Variants in SPEG observed in about 807,000 individuals in gnomAD.
The protein encoded by SPEG is striated muscle enriched protein kinase.
SPEG carries 114 observed loss-of-function variants against 300.4 expected under a neutral mutation model. That is an observed-to-expected ratio of 0.38 (90% CI 0.33 to 0.44). The LOEUF is 0.44. Among genes scored for constraint, SPEG ranks in the 20% least tolerant of loss-of-function variants. The pLI, the probability that SPEG is intolerant of heterozygous loss-of-function variation, is 1.00. For missense variants in SPEG, 4,201 were observed against 4,586.2 expected, an observed-to-expected ratio of 0.92 and a Z score of 2.43; for synonymous variants, 1,964 against 2,018.9, an observed-to-expected ratio of 0.97 and a Z score of 0.73.
intron 3 of SPEG, 138 bp from the exon 4 acceptor site, chr2:219,447,836 G>A (rs1345737422): frequency 7.9e-6 from 6 of 763,066 alleles, no homozygotes; most frequent in Middle Eastern, 2.5e-4. Context: ...TGGGGGTGGG[G>A]GTGGGGGGCA....
rs1270475305 is a variant in SPEG, at chr2:219,459,972, C to A, written c.2441-1910C>A. Reference sequence around the variant, plus strand: ...TAGGAAGAGGGAGAAGGACATGTGACCCCTGCTCAACAGCCCCCTTCTCTC... The same window carrying A: ...TAGGAAGAGGGAGAAGGACATGTGAACCCTGCTCAACAGCCCCCTTCTCTC... On this transcript the variant is annotated intron_variant, in intron 6 of 40. Coordinates refer to ENST00000312358, the MANE Select transcript of SPEG (RefSeq NM_005876.5). This position sits in a 1 kb window ranked among gnomAD's most constrained non-coding sequence, Gnocchi z 4.9. Among the ~76,000 whole-genome samples, 1 of 152,216 alleles carries A rather than the reference C, an allele frequency of 6.6e-6. No homozygotes were observed. The highest frequency in any genetic ancestry group is 1.5e-5 in the Non-Finnish European group (1 of 68,036).
intron 8 of SPEG, among the ~76,000 whole-genome samples, chr2:219,463,258 C>T (rs533334672): frequency 1.3e-5 from 2 of 151,938 alleles, no homozygotes; most frequent in East Asian, 1.9e-4. Flanking sequence ...CCAGCAGCCC[C>T]GAGTTAAATG....
In SPEG at chr2:219,451,506, A is replaced by T; in HGVS notation, c.2258-119A>T. Reference sequence around the variant, plus strand: ...CCAAAATGAGGGCGGACTCTTCCAGATTCCCTGGGGTGCTGAGAGGAGAGG... The same window carrying T: ...CCAAAATGAGGGCGGACTCTTCCAGTTTCCCTGGGGTGCTGAGAGGAGAGG... On this transcript the variant is annotated intron_variant, in intron 5 of 40. Coordinates refer to ENST00000312358, the MANE Select transcript of SPEG (RefSeq NM_005876.5). This position sits in a 1 kb window ranked among gnomAD's most constrained non-coding sequence, Gnocchi z 6.4. The T allele has an allele frequency of 8.3e-7, 1 of 1,197,714 alleles. No individual in the cohort carries two copies. Among genetic ancestry groups the T allele is most frequent in the East Asian group, 2.7e-5 (1 of 36,778 alleles). 74.2% of individuals were successfully genotyped at this position (1,197,714 alleles called of 1,614,324 possible). A position where few individuals can be genotyped will look rare whatever the true frequency, so the allele number is the denominator to read the frequency against.
chr2:219,476,235 G>C (rs372187027), intron 18 of SPEG, among the ~76,000 whole-genome samples: 3 of 69,452 alleles, frequency 4.3e-5, no homozygotes, highest in African/African-American at 4.5e-5. Context: ...AGTATTTGGG[G>C]GTTGTTTGTT....
At position 219,439,208 on chromosome 2, in the gene SPEG, G is replaced by A. The variant is rs779967498; in HGVS notation, c.388+3843G>A. 7.2e-5 allele frequency among the ~76,000 whole-genome samples: 11 copies of A among 152,156 alleles called. No individual in the cohort carries two copies. The highest frequency in any genetic ancestry group is 1.3e-4 in the Non-Finnish European group (9 of 68,024). ...GCTGGATGAGTGGAAGCCGTTGCAG[G>A]AAGATTTACTGTCCCCGTTCCCATC... On this transcript the variant is annotated intron_variant, in intron 1 of 40. Coordinates refer to ENST00000312358, the MANE Select transcript of SPEG (RefSeq NM_005876.5). This position sits in a 1 kb window ranked among gnomAD's most constrained non-coding sequence, Gnocchi z 4.5.
chr2:219,442,027 G>GCCGGCCCGGCCC, intron 1 of SPEG: 7 of 1,013,276 alleles, frequency 6.9e-6, no homozygotes, highest in Non-Finnish European at 6.3e-6. Context: ...TCGCCCGGCC[G>GCCGGCCCGGCCC]CCGGCCCGGC....
At chr2:219,472,124 T>C in intron 14 of SPEG, 103 bp from the exon 15 acceptor site, 2 of 1,519,594 alleles carry the variant, frequency 1.3e-6, no homozygotes, top group Non-Finnish European at 1.8e-6. Flanking sequence ...CCCCTGCCCC[T>C]GCGGCTGAGC....
At position 219,451,735 on chromosome 2, in the gene SPEG, G is replaced by A. The variant is rs776894067; in HGVS notation, c.2368G>A (p.Gly790Arg). The A allele has an allele frequency of 1.9e-6, 3 of 1,561,596 alleles. No homozygotes were observed. The highest frequency in any genetic ancestry group is 2.4e-5 in the South Asian group (2 of 84,712). The change falls in exon 6 of 41, where the codon GGG becomes AGG. Residue 790 changes from glycine to arginine, a missense_variant. Gly to Arg is a moderately radical substitution (Grantham distance 125). Around this residue, in one of 4 missense-constraint regions of SPEG, gnomAD observed 1,258 missense variants for 1,293.9 expected, o/e 0.97. Transcript: ENST00000312358. The surrounding 1 kb of genome is among the most constrained non-coding windows in gnomAD (Gnocchi z 6.4). ...LLREARAADA[G>R]SYMATATNEL... is the part of the protein sequence containing the mutation. ...CAGGGAGGCCAGGGCAGCAGATGCC[G>A]GGAGCTATATGGCCACCGCCACCAA... is the stretch of plus-strand genomic sequence containing the variant.
chr2:219,484,981 T>G lies in SPEG; in HGVS notation c.7518T>G (p.Leu2506=). ...GCGAGAGTCTGCGGCGCCTTGGCCTTCCGCACAACCAGTTGGCCGCCCAGG... is the reference window on the plus strand; with the variant it reads ...GCGAGAGTCTGCGGCGCCTTGGCCTGCCGCACAACCAGTTGGCCGCCCAGG... ...SEGESLRRLG[L]PHNQLAAQAG... The change falls in exon 30 of 41, where the codon CTT becomes CTG. Residue 2506 remains leucine (L), a synonymous_variant. Transcript: ENST00000312358. 6.5e-7 allele frequency: 1 copy of G among 1,530,802 alleles called. No individual in the cohort carries two copies. The highest frequency in any genetic ancestry group is 8.7e-7 in the Non-Finnish European group (1 of 1,144,914). The allele number at this position is 1,530,802 out of a possible 1,614,324, so 94.8% of individuals were successfully genotyped here. A position where few individuals can be genotyped will look rare whatever the true frequency, so the allele number is the denominator to read the frequency against.
Position 219,479,635 on chromosome 2 carries a change from G to A in SPEG, c.5086-148G>A. On this transcript the variant is annotated intron_variant, in intron 23 of 40. Coordinates refer to ENST00000312358, the MANE Select transcript of SPEG (RefSeq NM_005876.5). This position sits in a 1 kb window ranked among gnomAD's most constrained non-coding sequence, Gnocchi z 5.5. ...CCCTCCGGTGCATATGGTAGCCTTGGATCTTTGCAACCCCAAACCTGTTTC... is the reference window on the plus strand; with the variant it reads ...CCCTCCGGTGCATATGGTAGCCTTGAATCTTTGCAACCCCAAACCTGTTTC... 1.4e-6 allele frequency: 1 copy of A among 703,898 alleles called. No individual in the cohort carries two copies. The highest frequency in any genetic ancestry group is 2.5e-6 in the Non-Finnish European group (1 of 398,000). 43.6% of individuals were successfully genotyped at this position (703,898 alleles called of 1,614,324 possible).
chr2:219,436,237 G>T (rs1248018248), intron 1 of SPEG, among the ~76,000 whole-genome samples: 6 of 152,232 alleles, frequency 3.9e-5, no homozygotes, highest in Middle Eastern at 3.2e-3. Context: ...GAAGGGGAGG[G>T]CAAGAGGCTG....
At chr2:219,457,292 C>A (rs1159282566) in intron 6 of SPEG, among the ~76,000 whole-genome samples, 2 of 152,184 alleles carry the variant, frequency 1.3e-5, no homozygotes, top group East Asian at 1.9e-4. Flanking sequence ...GGAGGAAAAA[C>A]CGTTTATGGA....
intron 6 of SPEG, among the ~76,000 whole-genome samples, chr2:219,457,297 T>C (rs1245599971): frequency 6.6e-6 from 1 of 152,144 alleles, no homozygotes; most frequent in Non-Finnish European, 1.5e-5. Flanking sequence ...AAAAACCGTT[T>C]ATGGACTGGG....
In SPEG at chr2:219,444,454, G is replaced by GC; in HGVS notation, c.389-197dup. On this transcript the variant is annotated intron_variant, in intron 1 of 40. Transcript: ENST00000312358. This position sits in a 1 kb window ranked among gnomAD's most constrained non-coding sequence, Gnocchi z 7.8. ...GAGTAACCAGGGGCCCAGAGATGGA[G>GC]CCAGGGCACTGGCATGGGAGGGGTT... 6.6e-6 allele frequency among the ~76,000 whole-genome samples: 1 copy of GC among 152,270 alleles called. No individual in the cohort carries two copies. Among genetic ancestry groups the GC allele is most frequent in the African/African-American group, 2.4e-5 (1 of 41,548 alleles).
intron 3 of SPEG, among the ~76,000 whole-genome samples, 175 bp from the exon 4 acceptor site, chr2:219,447,799 G>T (rs1575054725): frequency 6.6e-6 from 1 of 151,590 alleles, no homozygotes; most frequent in East Asian, 2.0e-4. Flanking sequence ...CCTCTCCCCA[G>T]CACCTGCTCT....
At position 219,466,310 on chromosome 2, in the gene SPEG, G is replaced by C. The variant is rs1575114553; in HGVS notation, c.2882-864G>C. The C allele has an allele frequency of 1.1e-5, 15 of 1,415,558 alleles. No individual in the cohort carries two copies. The East Asian group carries it at 2.1e-4, about 19-fold the overall frequency. The allele number at this position is 1,415,558 out of a possible 1,614,324, so 87.7% of individuals were successfully genotyped here. A position where few individuals can be genotyped will look rare whatever the true frequency, so the allele number is the denominator to read the frequency against. The stretch of plus-strand genomic sequence containing the variant: ...AGGCCAGGAGGCCCACAGATGGACT[G>C]AGTGCTGGGAAGGGGCGGCTGCGAG... On this transcript the variant is annotated intron_variant, in intron 9 of 40. Transcript: ENST00000312358.
At position 219,464,584 on chromosome 2, in the gene SPEG, T is replaced by C. The variant is rs1201905433; in HGVS notation, c.2857T>C (p.Cys953Arg). ...GGTCAATGAGTATGGTGCTCGGCAGTGCGAGGCCCGCTTGGAGGTCCGAGG... is the reference window on the plus strand; with the variant it reads ...GGTCAATGAGTATGGTGCTCGGCAGCGCGAGGCCCGCTTGGAGGTCCGAGG... ...KAVNEYGARQ[C>R]EARLEVRAHP... Residue 953 changes from cysteine (C) to arginine (R), a missense_variant, in exon 9 of 41, where the codon TGC becomes CGC. By Grantham distance (180) the Cys-to-Arg change is radical. Transcript: ENST00000312358. This position sits in a 1 kb window ranked among gnomAD's most constrained non-coding sequence, Gnocchi z 4.5. 6.2e-7 allele frequency: 1 copy of C among 1,614,148 alleles called. No homozygotes were observed. Among genetic ancestry groups the C allele is most frequent in the African/African-American group, 1.3e-5 (1 of 75,066 alleles).
In SPEG at chr2:219,480,480, C is replaced by T. The variant is rs375806289; in HGVS notation, c.5343-191C>T. ...CTTCCTGGGCCAGCCCTGCCATGAC[C>T]CTGGACTTCTCCAGGCATATCTGGA... On this transcript the variant is annotated intron_variant, in intron 25 of 40. Coordinates refer to ENST00000312358, the MANE Select transcript of SPEG (RefSeq NM_005876.5). The surrounding 1 kb of genome is among the most constrained non-coding windows in gnomAD (Gnocchi z 5.3). 1.3e-3 allele frequency among the ~76,000 whole-genome samples: 193 copies of T among 152,248 alleles called. 2 individuals carry two copies. The highest frequency in any genetic ancestry group is 1.6e-3 in the Non-Finnish European group (112 of 67,974).
chr2:219,492,488 T>G, intron 40 of SPEG, 106 bp from the exon 41 acceptor site: 2 of 1,260,062 alleles, frequency 1.6e-6, no homozygotes, highest in Non-Finnish European at 2.2e-6. Flanking sequence ...AGATCACACA[T>G]GTAGGGGTGG....
Sources: allele counts gnomAD v4.1 joint callset (sites outside exome capture counted in the v4.1 genomes callset), GRCh38; gene constraint gnomAD v4.1.1; regional missense constraint gnomAD v4.1.1; non-coding constraint Gnocchi (gnomAD v3.1); transcripts MANE v1.5; gene names NCBI Gene and HGNC (gene_info 2026-07-23, HGNC 2026-07-21).